The following AMOTL1 variants were observed in gnomAD, a reference collection of about 807,000 sequenced individuals.
AMOTL1 encodes the protein angiomotin like 1.
In AMOTL1, 45 loss-of-function variants were observed where a neutral mutation model predicts 102.9. That is an observed-to-expected ratio of 0.44 (90% CI 0.34 to 0.56). AMOTL1 has a LOEUF of 0.56. AMOTL1 is among the 20% of genes least tolerant of loss of function. The pLI is 0.01. For synonymous variants in AMOTL1, 481 were observed against 484.7 expected, an observed-to-expected ratio of 0.99 and a Z score of 0.10; for missense variants, 1,114 against 1,225.6, an observed-to-expected ratio of 0.91 and a Z score of 1.36.
chr11:94,788,405 C>T (rs1951228438), intron 1 of AMOTL1, among the ~76,000 whole-genome samples: 1 of 152,196 alleles, frequency 6.6e-6, no homozygotes, highest in Non-Finnish European at 1.5e-5. Flanking sequence ...TAACCCAGTC[C>T]TATGCTTTTG....
chr11:94,870,872 G>A lies in AMOTL1; in HGVS notation c.*77G>A. On this transcript the variant is annotated 3_prime_UTR_variant, in exon 13 of 13. Transcript: ENST00000433060. ...GCAGAGAAAGAAGAAAGACCTAGAA[G>A]GTTGTAGATGGGAAATCAGGAATGA... The A allele has an allele frequency of 8.6e-7, 1 of 1,167,502 alleles. No homozygotes were observed. 72.3% of individuals were successfully genotyped at this position (1,167,502 alleles called of 1,614,324 possible).
chr11:94,755,800 G>A (rs1182978891), intron 3 of AMOTL1, among the ~76,000 whole-genome samples: 1 of 152,168 alleles, frequency 6.6e-6, no homozygotes, highest in Non-Finnish European at 1.5e-5. Flanking sequence ...AAGCCCCAGT[G>A]GGTGTGTGTT....
chr11:94,728,825 T>G (rs1950300710), intron 1 of AMOTL1: 1 of 511,854 alleles, frequency 2.0e-6, no homozygotes, highest in Non-Finnish European at 3.1e-6. Context: ...TGAAATGAGC[T>G]AGAAACTGAC....
intron 9 of AMOTL1, 28 bp from the exon 10 acceptor site, chr11:94,864,707 G>T (rs752218415): frequency 1.2e-6 from 2 of 1,607,182 alleles, no homozygotes; most frequent in South Asian, 1.1e-5. Flanking sequence ...GGTTTCCTAT[G>T]ATCAAACGCA....
At chr11:94,778,061 C>T (rs879839280) in intron 1 of AMOTL1, among the ~76,000 whole-genome samples, 3 of 152,298 alleles carry the variant, frequency 2.0e-5, no homozygotes, top group African/African-American at 4.8e-5. Context: ...GAACTGGGTT[C>T]GTTCTGCTCT....
exon 1 of AMOTL1, chr11:94,706,494 T>C (rs1949932127): frequency 1.3e-5 from 2 of 152,226 alleles, no homozygotes. Flanking sequence ...AGGGATGAAG[T>C]CACCTTTCTT....
At chr11:94,774,077 A>T (rs772466128) in intron 1 of AMOTL1, among the ~76,000 whole-genome samples, 1 of 152,228 alleles carries the variant, frequency 6.6e-6, no homozygotes, top group Non-Finnish European at 1.5e-5. Context: ...CGTTGAAAGC[A>T]TTCAATAAAT....
intron 1 of AMOTL1, among the ~76,000 whole-genome samples, chr11:94,791,250 G>A (rs1951281005): frequency 6.6e-6 from 1 of 152,200 alleles, no homozygotes; most frequent in African/African-American, 2.4e-5. Flanking sequence ...CAGAAATGTT[G>A]TACCCTTAAA....
intron 3 of AMOTL1, among the ~76,000 whole-genome samples, chr11:94,756,608 T>G (rs143755786): frequency 6.6e-6 from 1 of 152,348 alleles, no homozygotes; most frequent in East Asian, 1.9e-4. Flanking sequence ...TGAAAAACAT[T>G]ATTGCTATAT....
intron 6 of AMOTL1, among the ~76,000 whole-genome samples, chr11:94,846,127 T>A (rs918962344): frequency 6.6e-6 from 1 of 152,216 alleles, no homozygotes; most frequent in East Asian, 1.9e-4. Context: ...GGAGCATAGC[T>A]AGCCCACCTT....
chr11:94,859,909 T>A (rs368796413), intron 9 of AMOTL1, among the ~76,000 whole-genome samples, 194 bp downstream of exon 9: 8 of 152,304 alleles, frequency 5.3e-5, no homozygotes, highest in African/African-American at 1.9e-4. Flanking sequence ...GCAACATATA[T>A]CTTTCCTTTG....
At position 94,741,074 on chromosome 11, in the gene AMOTL1, C is replaced by A; in HGVS notation, c.136+86C>A. 9.9e-6 allele frequency: 11 copies of A among 1,111,156 alleles called. No individual in the cohort carries two copies. In the South Asian group the frequency reaches 1.3e-4, roughly 13 times the overall value. The allele number at this position is 1,111,156 out of a possible 1,614,324, so 68.8% of individuals were successfully genotyped here. ...TTGGGGGGCGTCCATAGGAACTCAG[C>A]TAGGGATGGGGCTGGGGTTGGAGGG... On this transcript the variant is annotated intron_variant, in intron 3 of 4. Transcript: ENST00000299004.
intron 2 of AMOTL1, among the ~76,000 whole-genome samples, chr11:94,732,298 C>T (rs755214967): frequency 1.7e-4 from 26 of 152,108 alleles, no homozygotes; most frequent in Non-Finnish European, 3.5e-4. Flanking sequence ...TGAGGCAGAT[C>T]CACACAACAT....
At chr11:94,713,099 T>C (rs1391397969) in intron 1 of AMOTL1, among the ~76,000 whole-genome samples, 1 of 151,884 alleles carries the variant, frequency 6.6e-6, no homozygotes, top group East Asian at 1.9e-4. Flanking sequence ...CAAGCACCAT[T>C]TTTTTAAAAG....
chr11:94,858,561 C>T (rs1565384504), intron 8 of AMOTL1, among the ~76,000 whole-genome samples: 1 of 152,056 alleles, frequency 6.6e-6, no homozygotes, highest in Admixed American at 6.5e-5. Context: ...CACCTTGCAC[C>T]CAGCTCTGCA....
intron 4 of AMOTL1, 47 bp from the exon 5 acceptor site, chr11:94,830,003 A>G (rs778723391): frequency 1.4e-4 from 216 of 1,531,592 alleles, no homozygotes; most frequent in Non-Finnish European, 1.7e-4. Flanking sequence ...CCAAGACACC[A>G]GCATGAATGT....
At chr11:94,743,210 G>A (rs986208234) in intron 3 of AMOTL1, among the ~76,000 whole-genome samples, 2 of 152,164 alleles carry the variant, frequency 1.3e-5, no homozygotes, top group South Asian at 2.1e-4. Flanking sequence ...TGCAAAAAGC[G>A]GGGGTTGTGC....
intron 3 of AMOTL1, among the ~76,000 whole-genome samples, chr11:94,806,142 G>A (rs1330548273): frequency 6.6e-6 from 1 of 152,230 alleles, no homozygotes; most frequent in Non-Finnish European, 1.5e-5. Flanking sequence ...AAGTAAAGTG[G>A]GGGCAGCCCA....
Position 94,874,961 on chromosome 11 carries a change from C to T in AMOTL1, c.*4166C>T, listed in dbSNP as rs1196215501. On this transcript the variant is annotated 3_prime_UTR_variant, in exon 13 of 13. Coordinates refer to ENST00000433060, the MANE Select transcript of AMOTL1 (RefSeq NM_130847.3). The stretch of plus-strand genomic sequence containing the variant: ...GTTCTCTGAATGATCTTGCACTCCT[C>T]TTAAGCAAAGGAGTACCATGACCAT... The T allele has an allele frequency of 6.6e-6, 1 of 152,200 alleles. No individual in the cohort carries two copies. Among genetic ancestry groups the T allele is most frequent in the African/African-American group, 2.4e-5 (1 of 41,448 alleles). 9.4% of individuals were successfully genotyped at this position (152,200 alleles called of 1,614,324 possible).
Sources: allele counts gnomAD v4.1 joint callset (sites outside exome capture counted in the v4.1 genomes callset), GRCh38; gene constraint gnomAD v4.1.1; transcripts MANE v1.5; gene names NCBI Gene and HGNC (gene_info 2026-07-23, HGNC 2026-07-21).